The following ABHD12 variants were observed in gnomAD, a reference collection of about 807,000 sequenced individuals.
ABHD12 encodes abhydrolase domain containing 12, lysophospholipase.
A neutral mutation model predicts 58.3 loss-of-function variants in ABHD12; 43 were observed. The ratio of observed to expected loss-of-function variants is 0.74; its 90% confidence interval spans 0.58 to 0.95. ABHD12 has a LOEUF of 0.95. Among genes scored for constraint, ABHD12 ranks in the 40% least tolerant of loss-of-function variants. The pLI, the probability that ABHD12 is intolerant of heterozygous loss-of-function variation, is 0.00. For synonymous variants in ABHD12, 219 were observed against 211.2 expected, an observed-to-expected ratio of 1.04 and a Z score of -0.32; for missense variants, 539 against 537.2, an observed-to-expected ratio of 1.00 and a Z score of -0.03.
downstream of ABHD12, chr20:25,296,487 C>T: frequency 6.2e-7 from 1 of 1,613,812 alleles, no homozygotes; most frequent in Non-Finnish European, 8.5e-7. Flanking sequence ...GCCCTCCGAC[C>T]TGCAGATCCC....
At chr20:25,382,191 G>A (rs988185833) in intron 1 of ABHD12, among the ~76,000 whole-genome samples, 14 of 152,228 alleles carry the variant, frequency 9.2e-5, no homozygotes, top group African/African-American at 2.9e-4. Flanking sequence ...TCTCTATGAA[G>A]GCTATCCTCT....
intron 1 of ABHD12, among the ~76,000 whole-genome samples, chr20:25,385,236 C>T (rs567842562): frequency 7.0e-6 from 1 of 142,092 alleles, no homozygotes; most frequent in East Asian, 2.3e-4. Flanking sequence ...ACTCGGGAGG[C>T]GGAGGCAGGA....
At chr20:25,294,913 T>G in exon 13 of ABHD12, 9 of 1,531,152 alleles carry the variant, frequency 5.9e-6, no homozygotes, top group South Asian at 1.1e-5. Context: ...TCAGCTGCCT[T>G]TGGGTTAGTT....
chr20:25,300,410 A>G lies in ABHD12; in HGVS notation c.*435T>C. ...AGGGGACGATGGAACCACTGGAGTC[A>G]TTCTGCATGTGCTGGGAAGGTGCAG... On this transcript the variant is annotated 3_prime_UTR_variant, in exon 13 of 13. Transcript: ENST00000339157. The G allele has an allele frequency of 1.8e-6, 2 of 1,141,988 alleles. No homozygotes were observed. The highest frequency in any genetic ancestry group is 2.2e-6 in the Non-Finnish European group (2 of 918,668). The allele number at this position is 1,141,988 out of a possible 1,614,324, so 70.7% of individuals were successfully genotyped here.
intron 4 of ABHD12, among the ~76,000 whole-genome samples, chr20:25,318,047 T>C (rs1784689293): frequency 6.6e-6 from 1 of 152,196 alleles, no homozygotes; most frequent in African/African-American, 2.4e-5. Flanking sequence ...TCAGGTGCGG[T>C]GGTTCACACC....
intron 2 of ABHD12, among the ~76,000 whole-genome samples, chr20:25,336,835 G>A (rs1223934109): frequency 1.3e-5 from 2 of 152,222 alleles, no homozygotes; most frequent in Non-Finnish European, 1.5e-5. Flanking sequence ...CGCTCATCAT[G>A]GAGAGGCAGG....
chr20:25,300,493 G>T lies in ABHD12; in HGVS notation c.*352C>A. On this transcript the variant is annotated 3_prime_UTR_variant, in exon 13 of 13. Coordinates refer to ENST00000339157, the MANE Select transcript of ABHD12 (RefSeq NM_001042472.3). ...GTGCCAAAAAGCTCAGCATGGTCCC[G>T]AGCCCCAAGAGTCCCCTGCCCGGAC... 3.9e-6 allele frequency: 5 copies of T among 1,276,322 alleles called. No homozygotes were observed. Among genetic ancestry groups the T allele is most frequent in the Non-Finnish European group, 5.0e-6 (5 of 1,000,448 alleles). 79.1% of individuals were successfully genotyped at this position (1,276,322 alleles called of 1,614,324 possible). A position where few individuals can be genotyped will look rare whatever the true frequency, so the allele number is the denominator to read the frequency against.
At chr20:25,376,115 C>CT (rs1275945837) in intron 1 of ABHD12, among the ~76,000 whole-genome samples, 20 of 152,080 alleles carry the variant, frequency 1.3e-4, no homozygotes, top group African/African-American at 4.6e-4. Context: ...GAGTGAGACT[C>CT]TGTCTCAAAA....
At chr20:25,296,860 T>C (rs1312625377), downstream of ABHD12, 3 of 286,244 alleles carry the variant, frequency 1.0e-5, no homozygotes, top group Non-Finnish European at 2.0e-5. Context: ...TGCTATGTAT[T>C]AGCCGATGTC....
intron 1 of ABHD12, among the ~76,000 whole-genome samples, chr20:25,386,236 C>T (rs915468054): frequency 1.3e-5 from 2 of 151,126 alleles, no homozygotes; most frequent in African/African-American, 4.9e-5. Context: ...ACTATTCTCA[C>T]AAATGATGTA....
rs998279363 is a variant in ABHD12, at chr20:25,390,735, G to T, written c.-32C>A. 1.3e-5 allele frequency: 13 copies of T among 1,004,054 alleles called. No individual in the cohort carries two copies. The African/African-American group carries it at 3.5e-4, about 27-fold the overall frequency. 62.2% of individuals were successfully genotyped at this position (1,004,054 alleles called of 1,614,324 possible). On this transcript the variant is annotated 5_prime_UTR_variant, in exon 1 of 13. Transcript: ENST00000339157. ...GCCGACAGGGCCAGCCGCCGACGGC[G>T]CCCGCTGGCCTGCGCCGCAGTGCCG...
At chr20:25,385,328 AC>A (rs2090074108) in intron 1 of ABHD12, among the ~76,000 whole-genome samples, 1 of 79,878 alleles carries the variant, frequency 1.3e-5, no homozygotes, top group South Asian at 6.8e-4. Context: ...CAAGAGTGAG[AC>A]TCAAAAAAAA....
chr20:25,306,180 CAAAA>C (rs11474922), intron 10 of ABHD12, among the ~76,000 whole-genome samples: 1 of 137,592 alleles, frequency 7.3e-6, no homozygotes, highest in Non-Finnish European at 1.6e-5. Context: ...AAAACAAAAA[CAAAA>C]AAAAAAAAAA....
chr20:25,383,127 T>C (rs533448046), intron 1 of ABHD12, among the ~76,000 whole-genome samples: 1 of 152,262 alleles, frequency 6.6e-6, no homozygotes, highest in African/African-American at 2.4e-5. Context: ...AGAGATACCA[T>C]ACAGGGACAC....
At chr20:25,299,222 C>A (rs577458007), downstream of ABHD12, among the ~76,000 whole-genome samples, 1 of 152,110 alleles carries the variant, frequency 6.6e-6, no homozygotes, top group Non-Finnish European at 1.5e-5. Context: ...CATGGCAAAA[C>A]CCCATCTTTA....
At chr20:25,373,177 G>T (rs531005237) in intron 1 of ABHD12, among the ~76,000 whole-genome samples, 1 of 152,260 alleles carries the variant, frequency 6.6e-6, no homozygotes, top group Non-Finnish European at 1.5e-5. Context: ...ACACCACATT[G>T]CTCAGAAGGT....
chr20:25,339,165 G>A (rs1206727642), intron 2 of ABHD12, 62 bp downstream of exon 2: 17 of 1,603,784 alleles, frequency 1.1e-5, no homozygotes, highest in Non-Finnish European at 1.4e-5. Context: ...CCTAAAATCA[G>A]ACATCACCAT....
Position 25,300,236 on chromosome 20 carries a change from TTAAA to T in ABHD12, c.*605_*608del, listed in dbSNP as rs1267914760. On this transcript the variant is annotated 3_prime_UTR_variant, in exon 13 of 13. Coordinates refer to ENST00000339157, the MANE Select transcript of ABHD12 (RefSeq NM_001042472.3). ...AAGGACCACCACCACGATTTTATTCTTAAATAAAGCTCAGTCTAAGGCCAGGTTA... is the reference window on the plus strand; with the variant it reads ...AAGGACCACCACCACGATTTTATTCTTAAAGCTCAGTCTAAGGCCAGGTTA... 8.0e-6 allele frequency: 8 copies of T among 998,092 alleles called. No individual in the cohort carries two copies. The highest frequency in any genetic ancestry group is 5.2e-5 in the African/African-American group (3 of 57,512). 61.8% of individuals were successfully genotyped at this position (998,092 alleles called of 1,614,324 possible). A position where few individuals can be genotyped will look rare whatever the true frequency, so the allele number is the denominator to read the frequency against.
chr20:25,370,121 T>C (rs2089881181), intron 1 of ABHD12, among the ~76,000 whole-genome samples: 1 of 152,056 alleles, frequency 6.6e-6, no homozygotes, highest in Non-Finnish European at 1.5e-5. Flanking sequence ...CCAAACACAC[T>C]CATCCTTCAA....
Sources: allele counts gnomAD v4.1 joint callset (sites outside exome capture counted in the v4.1 genomes callset), GRCh38; gene constraint gnomAD v4.1.1; transcripts MANE v1.5; gene names NCBI Gene and HGNC (gene_info 2026-07-23, HGNC 2026-07-21).